The following DHX37 variants were observed in gnomAD, a reference collection of about 807,000 sequenced individuals.
The protein encoded by DHX37 is DEAH-box helicase 37.
DHX37 carries 52 observed loss-of-function variants against 134.3 expected under a neutral mutation model. That is an observed-to-expected ratio of 0.39 (90% confidence interval 0.31 to 0.49). The LOEUF (loss-of-function observed/expected upper bound fraction) is 0.49, where lower values mean the gene tolerates loss of function less well. Among genes scored for constraint, DHX37 ranks in the 20% least tolerant of loss-of-function variants. The pLI is 0.93. For synonymous variants in DHX37, 634 were observed against 670.7 expected (o/e 0.95, Z 0.85); for missense variants, 1,344 against 1,580.8 (o/e 0.85, Z 2.54).
chr12:124,960,454 C>A lies in DHX37; in HGVS notation c.2046-31G>T, dbSNP rs777364977. 2.5e-6 allele frequency: 4 copies of A among 1,600,730 alleles called. No individual in the cohort carries two copies. In the South Asian group the frequency reaches 4.4e-5, roughly 18 times the overall value. ...TGGAGAGAAACCGGGACAACAAACA[C>A]AAAACTCACACCAAAAACCACAGAT... On this transcript the variant is annotated intron_variant, in intron 15 of 26. Transcript: ENST00000308736.
intron 16 of DHX37, among the ~76,000 whole-genome samples, chr12:124,959,218 C>T (rs971467257): frequency 2.0e-5 from 3 of 151,960 alleles, no homozygotes; most frequent in African/African-American, 4.8e-5. Flanking sequence ...GGATTACAGG[C>T]GTGTGCCACC....
chr12:124,984,615 GA>G (rs145401774), intron 2 of DHX37, among the ~76,000 whole-genome samples: 1 of 149,512 alleles, frequency 6.7e-6, no homozygotes, highest in African/African-American at 2.5e-5. Context: ...ACTACAATGG[GA>G]AAAAAAAACA....
intron 12 of DHX37, 62 bp from the exon 13 acceptor site, chr12:124,965,874 G>A (rs984767087): frequency 1.1e-5 from 17 of 1,565,734 alleles, no homozygotes; most frequent in African/African-American, 8.1e-5. Context: ...GACGTGGCAC[G>A]TGCAGGAAGA....
Position 124,947,729 on chromosome 12 carries a change from G to A in DHX37, c.*73C>T. On this transcript the variant is annotated 3_prime_UTR_variant, in exon 27 of 27. Transcript: ENST00000308736. ...ACGAAGCCCATGCCAGGTGGTCACG[G>A]TCGCACGGTGACAGGCTGCTGCCAG... 6.7e-7 allele frequency: 1 copy of A among 1,489,080 alleles called. No individual in the cohort carries two copies. The highest frequency in any genetic ancestry group is 8.9e-7 in the Non-Finnish European group (1 of 1,119,954). 92.2% of individuals were successfully genotyped at this position (1,489,080 alleles called of 1,614,324 possible).
At chr12:124,983,676 C>A (rs569218388) in intron 2 of DHX37, among the ~76,000 whole-genome samples, 2 of 151,578 alleles carry the variant, frequency 1.3e-5, no homozygotes, top group South Asian at 4.2e-4. Flanking sequence ...TACCAGCTAC[C>A]CGGGAGGCTG....
intron 5 of DHX37, among the ~76,000 whole-genome samples, 192 bp from the exon 6 acceptor site, chr12:124,975,703 C>T (rs185855927): frequency 1.7e-4 from 26 of 152,280 alleles, no homozygotes; most frequent in Non-Finnish European, 2.2e-4. Context: ...GAAAACGGTT[C>T]GACATTCACC....
At chr12:124,982,858 T>C (rs180937271) in intron 2 of DHX37, among the ~76,000 whole-genome samples, 149 of 152,166 alleles carry the variant, frequency 9.8e-4, no homozygotes, top group African/African-American at 3.4e-3. Context: ...TGCAGCAGGG[T>C]ATCACAGTAG....
chr12:124,974,079 GAGT>G (rs1954578524), intron 6 of DHX37, among the ~76,000 whole-genome samples: 1 of 151,498 alleles, frequency 6.6e-6, no homozygotes. Context: ...TCAGCCTCCC[GAGT>G]AGCTGGCATT....
chr12:124,983,455 A>T (rs900098401), intron 2 of DHX37, among the ~76,000 whole-genome samples: 9 of 151,716 alleles, frequency 5.9e-5, no homozygotes, highest in African/African-American at 2.2e-4. Flanking sequence ...AGAACAAGGT[A>T]TAGCACAGCG....
At position 124,954,135 on chromosome 12, in the gene DHX37, C is replaced by A; in HGVS notation, c.2530G>T (p.Ala844Ser). 1 of 1,612,700 alleles carries A rather than the reference C, an allele frequency of 6.2e-7. No homozygotes were observed. Among genetic ancestry groups the A allele is most frequent in the Non-Finnish European group, 8.5e-7 (1 of 1,179,438 alleles). Residue 844 changes from alanine (A) to serine (S), a missense_variant, in exon 19 of 27, where the codon GCA (alanine) becomes TCA (serine). This residue lies in a region of DHX37 where 558 missense variants were observed against 650.0 expected (regional missense o/e 0.86). Coordinates refer to ENST00000308736, the MANE Select transcript of DHX37 (RefSeq NM_032656.4). ...AGCTTCAGAGAAGCCCCCTGCCCTG[C>A]CCAGGTCCTCTTCATCTGGGCCACC... Reference protein sequence around the residue: ...ARVAQMKRTWAGQGASLKLGD... With the variant: ...ARVAQMKRTWSGQGASLKLGD...
chr12:124,982,659 T>A (rs898569626), intron 2 of DHX37, 36 bp from the exon 3 acceptor site: 1 of 1,602,480 alleles, frequency 6.2e-7, no homozygotes. Context: ...GCATTTGCCA[T>A]CACGACCCTC....
chr12:124,960,949 G>A (rs532521717), intron 15 of DHX37, among the ~76,000 whole-genome samples: 6 of 152,328 alleles, frequency 3.9e-5, no homozygotes, highest in South Asian at 2.1e-4. Context: ...GCGAGACTCC[G>A]TCTCAAAACC....
chr12:124,986,106 T>C lies in DHX37; in HGVS notation c.266A>G (p.Lys89Arg), dbSNP rs374398378. The C allele has an allele frequency of 8.3e-5, 134 of 1,613,814 alleles. No individual in the cohort carries two copies. The highest frequency in any genetic ancestry group is 1.1e-4 in the Non-Finnish European group (126 of 1,180,002). The change falls in exon 2 of 27, where the codon AAA becomes AGA. Residue 89 changes from lysine (K) to arginine (R), a missense_variant. By Grantham distance (26) the Lys-to-Arg change is conservative. Transcript: ENST00000308736. Reference sequence around the variant, plus strand: ...CCGAGTGGGGTGTACCTGGCTCTTTTTCTCCTTCTGTTCTAAGATTTTCTG... The same window carrying C: ...CCGAGTGGGGTGTACCTGGCTCTTTCTCTCCTTCTGTTCTAAGATTTTCTG... The part of the protein sequence containing the change: ...VLQKILEQKE[K>R]KSQRAEMLQK...
chr12:124,968,544 C>A lies in DHX37; in HGVS notation c.1398G>T (p.Met466Ile). The change falls in exon 10 of 27, where the codon ATG (methionine) becomes ATT (isoleucine). Residue 466 changes from methionine to isoleucine, a missense_variant. By Grantham distance (10) the Met-to-Ile change is conservative (BLOSUM62 1). This residue lies in a region of DHX37 where 289 missense variants were observed against 323.8 expected (regional missense o/e 0.89). Transcript: ENST00000308736. ...CFRKVCKIHR[M>I]LPAGGILVFL... is the part of the protein sequence containing the mutation. The stretch of plus-strand genomic sequence containing the variant: ...TGGCCAGGGCCTCACCTGCGGGCAG[C>A]ATCCGGTGGATCTTGCAGACCTTCC... 1.2e-6 allele frequency: 2 copies of A among 1,613,400 alleles called. No individual in the cohort carries two copies. The highest frequency in any genetic ancestry group is 1.7e-6 in the Non-Finnish European group (2 of 1,180,042).
At chr12:124,972,073 G>C (rs1487919677) in intron 7 of DHX37, among the ~76,000 whole-genome samples, 1 of 152,174 alleles carries the variant, frequency 6.6e-6, no homozygotes, top group Non-Finnish European at 1.5e-5. Context: ...GTCTGGTGCT[G>C]CCCCTCACCA....
In DHX37 at chr12:124,950,817, G is replaced by A. The variant is rs772091220; in HGVS notation, c.2869-13C>T. 3.8e-6 allele frequency: 6 copies of A among 1,596,950 alleles called. No homozygotes were observed. In the African/African-American group the frequency reaches 4.1e-5, roughly 11 times the overall value. ...CGAGGAGAGGGGTCTGCAGAGAATG[G>A]AGAGTGATGTGGTCAGGGAAGAACC... is the stretch of plus-strand genomic sequence containing the variant. On this transcript the variant is annotated splice_polypyrimidine_tract_variant and intron_variant, in intron 21 of 26. Coordinates refer to ENST00000308736, the MANE Select transcript of DHX37 (RefSeq NM_032656.4).
intron 14 of DHX37, 140 bp downstream of exon 14, chr12:124,964,790 C>A: frequency 7.0e-7 from 1 of 1,435,944 alleles, no homozygotes; most frequent in Non-Finnish European, 9.3e-7. Context: ...CCCTATTCTC[C>A]AAAACTACCC....
chr12:124,967,265 C>A, intron 10 of DHX37, 47 bp from the exon 11 acceptor site: 1 of 1,591,942 alleles, frequency 6.3e-7, no homozygotes, highest in Admixed American at 1.8e-5. Context: ...CACTCACAAA[C>A]ATTTGCTTAG....
chr12:124,985,980 C>T, intron 2 of DHX37, 116 bp downstream of exon 2: 1 of 1,340,710 alleles, frequency 7.5e-7, no homozygotes, highest in East Asian at 2.3e-5. Context: ...TGGAATTTTC[C>T]TCATTCCAGA....
Sources: gnomAD v4.1 joint callset for allele counts (sites outside exome capture counted in the v4.1 genomes callset) on GRCh38, gnomAD v4.1.1 for gene constraint, gnomAD v4.1.1 regional missense constraint, MANE v1.5 for transcripts, NCBI Gene and HGNC (gene_info 2026-07-23, HGNC 2026-07-21) for gene names.